Variants in MANEA observed in about 807,000 individuals in gnomAD.
MANEA encodes the protein mannosidase endo-alpha.
MANEA carries 25 observed loss-of-function variants against 36.8 expected under a neutral mutation model. The ratio of observed to expected loss-of-function variants is 0.68; its 90% confidence interval spans 0.50 to 0.95. The LOEUF (loss-of-function observed/expected upper bound fraction) is 0.95, where lower values mean the gene tolerates loss of function less well. MANEA is among the 40% of genes least tolerant of loss of function. MANEA has a pLI of 0.00. For missense variants in MANEA, 565 were observed against 558.8 expected (o/e 1.01, Z -0.11); for synonymous variants, 198 against 188.5 (o/e 1.05, Z -0.41).
rs1769743743 is a variant in MANEA, at chr6:95,607,784, T to C, written c.*1379T>C. 3 of 151,610 alleles carry C rather than the reference T, an allele frequency of 2.0e-5. No homozygotes were observed. In the South Asian group the frequency reaches 6.2e-4, roughly 31 times the overall value. The allele number at this position is 151,610 out of a possible 1,614,324, so 9.4% of individuals were successfully genotyped here. A position where few individuals can be genotyped will look rare whatever the true frequency, so the allele number is the denominator to read the frequency against. Reference sequence around the variant, plus strand: ...TATAGTAAAAAATTAATATATATCCTATTACATAAATGTTATTTCTTAGGT... The same window carrying C: ...TATAGTAAAAAATTAATATATATCCCATTACATAAATGTTATTTCTTAGGT... On this transcript the variant is annotated 3_prime_UTR_variant, in exon 5 of 5. Coordinates refer to ENST00000358812, the MANE Select transcript of MANEA (RefSeq NM_024641.4).
intron 1 of MANEA, among the ~76,000 whole-genome samples, chr6:95,581,876 C>G (rs1011807387): frequency 5.3e-5 from 8 of 152,040 alleles, no homozygotes; most frequent in Non-Finnish European, 7.4e-5. Flanking sequence ...AAATGTTTTC[C>G]TTCTGAAGTA....
Position 95,586,993 on chromosome 6 carries a change from G to A in MANEA, c.544+10G>A, listed in dbSNP as rs1582221522. The stretch of plus-strand genomic sequence containing the variant: ...CGCTCAGCTTCAATTGGTAATTATT[G>A]TATATATATATATGTGTGTTTGTGT... On this transcript the variant is annotated intron_variant, in intron 2 of 4. Transcript: ENST00000358812. 3.1e-6 allele frequency: 4 copies of A among 1,302,376 alleles called. No homozygotes were observed. Among genetic ancestry groups the A allele is most frequent in the Non-Finnish European group, 4.3e-6 (4 of 923,352 alleles). The allele number at this position is 1,302,376 out of a possible 1,614,324, so 80.7% of individuals were successfully genotyped here. A position where few individuals can be genotyped will look rare whatever the true frequency, so the allele number is the denominator to read the frequency against.
chr6:95,608,290 G>A lies in MANEA; in HGVS notation c.*1885G>A, dbSNP rs1339854228. 1 of 151,796 alleles carries A rather than the reference G, an allele frequency of 6.6e-6. No individual in the cohort carries two copies. Among genetic ancestry groups the A allele is most frequent in the Admixed American group, 6.6e-5 (1 of 15,222 alleles). 9.4% of individuals were successfully genotyped at this position (151,796 alleles called of 1,614,324 possible). A position where few individuals can be genotyped will look rare whatever the true frequency, so the allele number is the denominator to read the frequency against. On this transcript the variant is annotated 3_prime_UTR_variant, in exon 5 of 5. Coordinates refer to ENST00000358812, the MANE Select transcript of MANEA (RefSeq NM_024641.4). Reference sequence around the variant, plus strand: ...ATTTCATTAAAGTTTTGTTAGAGAAGTATCTACCACAGAGGAGTTTTTGTC... The same window carrying A: ...ATTTCATTAAAGTTTTGTTAGAGAAATATCTACCACAGAGGAGTTTTTGTC...
intron 2 of MANEA, among the ~76,000 whole-genome samples, chr6:95,595,129 TTC>T (rs1769460220): frequency 6.6e-6 from 1 of 152,190 alleles, no homozygotes; most frequent in South Asian, 2.1e-4. Flanking sequence ...AGCATAATCT[TTC>T]TGTTGTTTAA....
intron 1 of MANEA, among the ~76,000 whole-genome samples, chr6:95,579,944 A>G (rs967122532): frequency 6.6e-6 from 1 of 152,216 alleles, no homozygotes; most frequent in African/African-American, 2.4e-5. Context: ...ATATATCTGC[A>G]ATAAACTTGT....
intron 1 of MANEA, among the ~76,000 whole-genome samples, chr6:95,581,733 C>T (rs902505016): frequency 3.9e-5 from 6 of 152,264 alleles, no homozygotes; most frequent in East Asian, 1.9e-4. Context: ...TCATGAATCT[C>T]GCCATTCAGC....
intron 2 of MANEA, among the ~76,000 whole-genome samples, chr6:95,595,321 A>G (rs1464023761): frequency 6.6e-6 from 1 of 152,146 alleles, no homozygotes; most frequent in Non-Finnish European, 1.5e-5. Context: ...TTGTCTCCAG[A>G]CACTTTTCTC....
Position 95,609,315 on chromosome 6 carries a change from T to C in MANEA, c.*2910T>C, listed in dbSNP as rs1769777628. ...TTACTGTTTCTTTTAAGGACTAATATTGTCAAAAACTGCTGTTATTAACTT... is the reference window on the plus strand; with the variant it reads ...TTACTGTTTCTTTTAAGGACTAATACTGTCAAAAACTGCTGTTATTAACTT... On this transcript the variant is annotated 3_prime_UTR_variant, in exon 5 of 5. Coordinates refer to ENST00000358812, the MANE Select transcript of MANEA (RefSeq NM_024641.4). 1 of 151,764 alleles carries C rather than the reference T, an allele frequency of 6.6e-6. No individual in the cohort carries two copies. Among genetic ancestry groups the C allele is most frequent in the Non-Finnish European group, 1.5e-5 (1 of 67,684 alleles). 9.4% of individuals were successfully genotyped at this position (151,764 alleles called of 1,614,324 possible). A position where few individuals can be genotyped will look rare whatever the true frequency, so the allele number is the denominator to read the frequency against.
In MANEA at chr6:95,605,780, A is replaced by C; in HGVS notation, c.764A>C (p.Lys255Thr). 1 of 1,613,284 alleles carries C rather than the reference A, an allele frequency of 6.2e-7. No individual in the cohort carries two copies. The highest frequency in any genetic ancestry group is 1.3e-5 in the African/African-American group (1 of 74,998). ...YGNHPAFYRY[K>T]TKTGNALPMF... is the part of the protein sequence containing the mutation. ...AATCATCCGGCCTTTTACAGGTACA[A>C]GACGAAGACTGGCAATGCTCTTCCT... Residue 255 changes from lysine (K) to threonine (T), a missense_variant, in exon 5 of 5, where the codon AAG (lysine) becomes ACG (threonine). Transcript: ENST00000358812.
rs1384098735 is a variant in MANEA at position 95,596,738 on chromosome 6, T to G, written c.546T>G (p.Gly182=). The G allele has an allele frequency of 3.2e-6, 5 of 1,546,346 alleles. No homozygotes were observed. The highest frequency in any genetic ancestry group is 4.5e-6 in the Non-Finnish European group (5 of 1,119,366). Residue 182 remains glycine, a splice_region_variant and synonymous_variant, in exon 3 of 5, where the codon GGT becomes GGG. Transcript: ENST00000358812. Reference sequence around the variant, plus strand: ...TTTCTTTTTGGTCTTTTCTATTAGGTGTACTAGCCCTCTCTTGGTACCCAC... The same window carrying G: ...TTTCTTTTTGGTCTTTTCTATTAGGGGTACTAGCCCTCTCTTGGTACCCAC... ...HMRQMRSASI[G]VLALSWYPPD...
At chr6:95,603,052 ATTGC>A (rs1769629108) in intron 3 of MANEA, among the ~76,000 whole-genome samples, 1 of 139,400 alleles carries the variant, frequency 7.2e-6, no homozygotes, top group East Asian at 2.4e-4. Flanking sequence ...AAAAAAAAAA[ATTGC>A]AAAGTAATTT....
At position 95,596,663 on chromosome 6, in the gene MANEA, C is replaced by T. The variant is rs1451711394; in HGVS notation, c.545-74C>T. 5.1e-6 allele frequency: 4 copies of T among 787,142 alleles called. No individual in the cohort carries two copies. The African/African-American group carries it at 6.8e-5, about 13-fold the overall frequency. The allele number at this position is 787,142 out of a possible 1,614,324, so 48.8% of individuals were successfully genotyped here. On this transcript the variant is annotated intron_variant, in intron 2 of 4. Transcript: ENST00000358812. ...TTCTTCTATTGTTAACTCTTTGGTA[C>T]TTACTGTGCCTTTTTAAGAATATCT... is the stretch of plus-strand genomic sequence containing the variant.
intron 2 of MANEA, among the ~76,000 whole-genome samples, chr6:95,591,339 A>G (rs1769382252): frequency 6.6e-6 from 1 of 152,102 alleles, no homozygotes; most frequent in African/African-American, 2.4e-5. Context: ...TGGAATTCTC[A>G]ATGGGCAGGT....
rs770411884 is a variant in MANEA at position 95,606,120 on chromosome 6, G to T, written c.1104G>T (p.Trp368Cys). 1 of 1,613,980 alleles carries T rather than the reference G, an allele frequency of 6.2e-7. No individual in the cohort carries two copies. The highest frequency in any genetic ancestry group is 1.1e-5 in the South Asian group (1 of 91,072). The change falls in exon 5 of 5, where the codon TGG (tryptophan) becomes TGT (cysteine). Residue 368 changes from tryptophan (W) to cysteine (C), a missense_variant. Coordinates refer to ENST00000358812, the MANE Select transcript of MANEA (RefSeq NM_024641.4). ...PGYIDTSIRPWNTQNTRNRIN... is the reference protein window; with the variant it reads ...PGYIDTSIRPCNTQNTRNRIN... ...ACATAGATACCAGCATCCGTCCATG[G>T]AACACGCAAAACACTCGGAACCGAA... is the stretch of plus-strand genomic sequence containing the variant.
chr6:95,588,097 G>A lies in MANEA; in HGVS notation c.544+1114G>A, dbSNP rs1769321566. ...GATAGAGTCATATTGTCCCACAGGT[G>A]AATTACAGAAAAAATATAACTTGGT... On this transcript the variant is annotated intron_variant, in intron 2 of 4. Coordinates refer to ENST00000358812, the MANE Select transcript of MANEA (RefSeq NM_024641.4). 3 of 151,968 alleles carry A rather than the reference G, an allele frequency of 2.0e-5. 1 individual carries two copies. The South Asian group carries it at 6.2e-4, about 32-fold the overall frequency. The allele number at this position is 151,968 out of a possible 1,614,324, so 9.4% of individuals were successfully genotyped here.
chr6:95,582,790 T>A (rs1017986813), intron 1 of MANEA, among the ~76,000 whole-genome samples: 1 of 152,194 alleles, frequency 6.6e-6, no homozygotes, highest in African/African-American at 2.4e-5. Flanking sequence ...ACATTTTATA[T>A]ATAGTGTATG....
At chr6:95,580,159 G>A (rs183531799) in intron 1 of MANEA, among the ~76,000 whole-genome samples, 8 of 151,922 alleles carry the variant, frequency 5.3e-5, no homozygotes, top group South Asian at 2.1e-4. Flanking sequence ...AGTATACACC[G>A]TAAACTTATC....
At chr6:95,604,223 A>G (rs1396952220) in intron 3 of MANEA, among the ~76,000 whole-genome samples, 1 of 151,808 alleles carries the variant, frequency 6.6e-6, no homozygotes, top group Non-Finnish European at 1.5e-5. Flanking sequence ...ATTTTGTAAA[A>G]TGCTGTTTTA....
At chr6:95,591,863 G>A (rs1042201784) in intron 2 of MANEA, among the ~76,000 whole-genome samples, 5 of 151,810 alleles carry the variant, frequency 3.3e-5, no homozygotes, top group East Asian at 1.9e-4. Context: ...TCCACCACGC[G>A]TAGCTAATTT....
Sources: gnomAD v4.1 joint callset for allele counts (sites outside exome capture counted in the v4.1 genomes callset) on GRCh38, gnomAD v4.1.1 for gene constraint, MANE v1.5 for transcripts, NCBI Gene and HGNC (gene_info 2026-07-23, HGNC 2026-07-21) for gene names.